CPPED1: variants seen among roughly 807,000 people sequenced by gnomAD.
The protein encoded by CPPED1 is calcineurin like phosphoesterase domain containing 1.
Under a neutral mutation model 28.0 loss-of-function variants are expected in CPPED1, and 28 were observed. The ratio of observed to expected loss-of-function variants is 1.00; its 90% CI spans 0.74 to 1.37. The LOEUF is 1.37. Among genes scored for constraint, CPPED1 ranks in the 40% most tolerant of loss-of-function variants. The probability of loss-of-function intolerance (pLI) is 0.00; values close to 1 mark genes in which losing one functional copy is unlikely to be tolerated. For missense variants in CPPED1, 504 were observed against 416.5 expected (o/e 1.21, Z -1.83); for synonymous variants, 198 against 180.2 (o/e 1.10, Z -0.79).
intron 2 of CPPED1, chr16:12,759,225 A>C (rs1475167638): frequency 1.3e-5 from 2 of 152,032 alleles, no homozygotes; most frequent in Non-Finnish European, 2.9e-5. Context: ...TTTAAAGCAG[A>C]AGCAGTCCGG....
intron 2 of CPPED1, among the ~76,000 whole-genome samples, chr16:12,780,501 A>G (rs2080523687): frequency 6.6e-6 from 1 of 152,170 alleles, no homozygotes; most frequent in Non-Finnish European, 1.5e-5. Context: ...ACCATCCAGA[A>G]TAAGGCACTT....
rs2080002675 is a variant in CPPED1, at chr16:12,698,290, T to A, written c.715+6334A>T. On this transcript the variant is annotated intron_variant, in intron 3 of 3. Coordinates refer to ENST00000381774, the MANE Select transcript of CPPED1 (RefSeq NM_018340.3). ...CTGGCCTTACAGAGGTGAATAAGGCTGGGCTTCTGTTTCCTGGAGGAATCA... is the reference window on the plus strand; with the variant it reads ...CTGGCCTTACAGAGGTGAATAAGGCAGGGCTTCTGTTTCCTGGAGGAATCA... Among the ~76,000 whole-genome samples, 3 of 152,210 alleles carry A rather than the reference T, an allele frequency of 2.0e-5. No homozygotes were observed. In the South Asian group the frequency reaches 6.2e-4, roughly 32 times the overall value.
At chr16:12,735,419 C>T (rs1285732144) in intron 2 of CPPED1, among the ~76,000 whole-genome samples, 9 of 152,236 alleles carry the variant, frequency 5.9e-5, no homozygotes, top group Admixed American at 2.0e-4. Flanking sequence ...AGCGTTCCGC[C>T]TCAGCCTCCT....
chr16:12,709,152 A>G lies in CPPED1; in HGVS notation c.290-4103T>C, dbSNP rs2080066781. ...CACCAGCATCATGAACAGAAAAAAC[A>G]GAAACCTGCCCAAGGACACAGAGCT... is the stretch of plus-strand genomic sequence containing the variant. On this transcript the variant is annotated intron_variant, in intron 2 of 3. Transcript: ENST00000381774. This position sits in a 1 kb window ranked among gnomAD's most constrained non-coding sequence, Gnocchi z 4.4. Among the ~76,000 whole-genome samples the G allele has an allele frequency of 6.6e-6, 1 of 152,212 alleles. No homozygotes were observed. Among genetic ancestry groups the G allele is most frequent in the Non-Finnish European group, 1.5e-5 (1 of 68,040 alleles).
chr16:12,792,890 C>T (rs1386845584), intron 1 of CPPED1, among the ~76,000 whole-genome samples: 1 of 152,110 alleles, frequency 6.6e-6, no homozygotes. Context: ...ATTACCCAGT[C>T]TTGGGTCTGT....
At chr16:12,744,532 C>T (rs935375471) in intron 2 of CPPED1, among the ~76,000 whole-genome samples, 2 of 152,136 alleles carry the variant, frequency 1.3e-5, no homozygotes, top group African/African-American at 4.8e-5. Context: ...GCCAGTGACC[C>T]GTAAGAGACA....
Position 12,683,674 on chromosome 16 carries a change from G to A in CPPED1, c.716-18559C>T, listed in dbSNP as rs376668269. On this transcript the variant is annotated intron_variant, in intron 3 of 3. Coordinates refer to ENST00000381774, the MANE Select transcript of CPPED1 (RefSeq NM_018340.3). ...CTCCCTTCCTCCGCCTGGTCCATGCGTCCTGTTGACCTGTCTGCCTGAACA... is the reference window on the plus strand; with the variant it reads ...CTCCCTTCCTCCGCCTGGTCCATGCATCCTGTTGACCTGTCTGCCTGAACA... 2.2e-4 allele frequency among the ~76,000 whole-genome samples: 34 copies of A among 152,156 alleles called. 4 individuals are homozygous for A. Among genetic ancestry groups the A allele is most frequent in the Admixed American group, 1.4e-3 (22 of 15,270 alleles).
At chr16:12,786,916 G>A (rs971264200) in intron 1 of CPPED1, among the ~76,000 whole-genome samples, 1 of 152,140 alleles carries the variant, frequency 6.6e-6, no homozygotes, top group Non-Finnish European at 1.5e-5. Context: ...CATCTCAAAA[G>A]TAAGAAGTTA....
intron 2 of CPPED1, among the ~76,000 whole-genome samples, chr16:12,766,242 A>T (rs894395437): frequency 1.6e-5 from 2 of 126,648 alleles, no homozygotes; most frequent in Non-Finnish European, 3.1e-5. Context: ...AAAAAATACA[A>T]ATATATATAT....
intron 3 of CPPED1, among the ~76,000 whole-genome samples, chr16:12,696,028 GTTAAAA>G (rs2079988144): frequency 6.6e-6 from 1 of 152,090 alleles, no homozygotes; most frequent in African/African-American, 2.4e-5. Context: ...ACCCCCTTTT[GTTAAAA>G]TTAAAAGTAG....
At chr16:12,676,442 T>A (rs1212298798) in intron 3 of CPPED1, among the ~76,000 whole-genome samples, 1 of 152,182 alleles carries the variant, frequency 6.6e-6, no homozygotes, top group Non-Finnish European at 1.5e-5. Flanking sequence ...ACCTGCATCA[T>A]CTCACTCAAG....
At chr16:12,799,510 T>C (rs948564208) in intron 1 of CPPED1, among the ~76,000 whole-genome samples, 2 of 152,206 alleles carry the variant, frequency 1.3e-5, no homozygotes, top group Admixed American at 6.5e-5. Flanking sequence ...CCTCCCAAAG[T>C]GCAGGAATTA....
intron 3 of CPPED1, among the ~76,000 whole-genome samples, chr16:12,685,614 G>C (rs1173383158): frequency 6.6e-6 from 1 of 152,160 alleles, no homozygotes; most frequent in Non-Finnish European, 1.5e-5. Context: ...GTGTGGACAA[G>C]GACATTTTTC....
At chr16:12,715,519 G>C (rs1018241717) in intron 2 of CPPED1, among the ~76,000 whole-genome samples, 3 of 152,052 alleles carry the variant, frequency 2.0e-5, no homozygotes, top group African/African-American at 7.2e-5. Context: ...AATTAGGCAG[G>C]CATGGTGGCA....
At chr16:12,778,235 C>T (rs1460628823) in intron 2 of CPPED1, among the ~76,000 whole-genome samples, 1 of 151,018 alleles carries the variant, frequency 6.6e-6, no homozygotes, top group Non-Finnish European at 1.5e-5. Context: ...CTTAAATCCA[C>T]TTGGCCCAAG....
rs2079910440 is a variant in CPPED1 at position 12,682,494 on chromosome 16, G to A, written c.716-17379C>T. ...CAGAAAAGCAGTGGCAGCCTGGGGTGGGAGCTAGGGGTTGGGAGACTCAGG... is the reference window on the plus strand; with the variant it reads ...CAGAAAAGCAGTGGCAGCCTGGGGTAGGAGCTAGGGGTTGGGAGACTCAGG... On this transcript the variant is annotated intron_variant, in intron 3 of 3. Coordinates refer to ENST00000381774, the MANE Select transcript of CPPED1 (RefSeq NM_018340.3). The surrounding 1 kb of genome is among the most constrained non-coding windows in gnomAD (Gnocchi z 6.1). Among the ~76,000 whole-genome samples, 1 of 152,152 alleles carries A rather than the reference G, an allele frequency of 6.6e-6. No individual in the cohort carries two copies. The highest frequency in any genetic ancestry group is 1.5e-5 in the Non-Finnish European group (1 of 68,034).
intron 2 of CPPED1, among the ~76,000 whole-genome samples, chr16:12,705,797 G>A (rs1032779934): frequency 5.3e-5 from 8 of 152,210 alleles, no homozygotes; most frequent in Non-Finnish European, 1.2e-4. Flanking sequence ...GTAAGCCACC[G>A]CGCCGGGCAG....
chr16:12,776,705 G>A (rs905751902), intron 2 of CPPED1, among the ~76,000 whole-genome samples: 22 of 152,172 alleles, frequency 1.4e-4, no homozygotes, highest in African/African-American at 5.3e-4. Context: ...TGGATCACGA[G>A]GTCAGGAGAT....
intron 2 of CPPED1, among the ~76,000 whole-genome samples, chr16:12,733,300 A>T (rs2080209103): frequency 7.0e-6 from 1 of 142,986 alleles, no homozygotes; most frequent in African/African-American, 2.6e-5. Context: ...TTTGAGACAG[A>T]GTCTTGTACT....
Sources: gnomAD v4.1 joint callset for allele counts (sites outside exome capture counted in the v4.1 genomes callset) on GRCh38, gnomAD v4.1.1 for gene constraint, Gnocchi (gnomAD v3.1) non-coding constraint, MANE v1.5 for transcripts, NCBI Gene and HGNC (gene_info 2026-07-23, HGNC 2026-07-21) for gene names.